The following ADCY1 variants were observed in gnomAD, a reference collection of about 807,000 sequenced individuals.
ADCY1 encodes the protein adenylate cyclase 1, also known as adenylate cyclase type 1.
In ADCY1, 28 loss-of-function variants were observed where a neutral mutation model predicts 105.4. The ratio of observed to expected loss-of-function variants is 0.27; its 90% CI spans 0.20 to 0.36. The LOEUF (loss-of-function observed/expected upper bound fraction) is 0.36. Ranked by LOEUF, ADCY1 falls within the 10% of genes least tolerant of loss-of-function variation. The pLI is 1.00. For missense variants in ADCY1, 977 were observed against 1,434.2 expected, an observed-to-expected ratio of 0.68 and a Z score of 5.15; for synonymous variants, 655 against 623.8, an observed-to-expected ratio of 1.05 and a Z score of -0.75.
intron 7 of ADCY1, among the ~76,000 whole-genome samples, chr7:45,660,832 C>T (rs1795078864): frequency 7.5e-6 from 1 of 132,510 alleles, no homozygotes; most frequent in Non-Finnish European, 1.6e-5. Context: ...AGGTGAGGTG[C>T]AGGGCTTAGG....
chr7:45,577,383 C>T (rs1792382032), intron 1 of ADCY1, among the ~76,000 whole-genome samples: 1 of 152,156 alleles, frequency 6.6e-6, no homozygotes, highest in South Asian at 2.1e-4. Context: ...GTGGGGGGAG[C>T]AGGGCAGATG....
intron 8 of ADCY1, 144 bp from the exon 9 acceptor site, chr7:45,677,725 C>T: frequency 1.2e-6 from 1 of 852,304 alleles, no homozygotes; most frequent in Non-Finnish European, 1.8e-6. Context: ...TCACCACCAG[C>T]AGGGCAGAGT....
chr7:45,587,469 CAG>C (rs1391072857), intron 1 of ADCY1, among the ~76,000 whole-genome samples: 9 of 152,256 alleles, frequency 5.9e-5, no homozygotes, highest in African/African-American at 2.2e-4. Context: ...ATAGGGCTGT[CAG>C]GGGCAGGGCC....
intron 8 of ADCY1, among the ~76,000 whole-genome samples, chr7:45,674,970 GGAT>G (rs1217251438): frequency 2.6e-5 from 4 of 152,028 alleles, no homozygotes; most frequent in African/African-American, 7.2e-5. Flanking sequence ...GCATATATTT[GGAT>G]GATATTTGTT....
At chr7:45,582,938 T>G (rs770595207) in intron 1 of ADCY1, among the ~76,000 whole-genome samples, 1 of 152,198 alleles carries the variant, frequency 6.6e-6, no homozygotes, top group Non-Finnish European at 1.5e-5. Context: ...CAATCCCATC[T>G]CCCTGGATTA....
At chr7:45,643,885 G>A (rs1794588964) in intron 4 of ADCY1, among the ~76,000 whole-genome samples, 1 of 152,158 alleles carries the variant, frequency 6.6e-6, no homozygotes, top group Admixed American at 6.5e-5. Context: ...TGATTCCTCA[G>A]TCCTCCCCTG....
chr7:45,708,713 G>A lies in ADCY1; in HGVS notation c.2932+249G>A, dbSNP rs1417439951. 6.6e-6 allele frequency among the ~76,000 whole-genome samples: 1 copy of A among 152,200 alleles called. No individual in the cohort carries two copies. Among genetic ancestry groups the A allele is most frequent in the African/African-American group, 2.4e-5 (1 of 41,448 alleles). ...AGGAAACACATTAGAAATCTTGATT[G>A]TCCTGGAGACGTTCAGATGCTCCTC... On this transcript the variant is annotated intron_variant, in intron 18 of 19. Transcript: ENST00000297323. This position sits in a 1 kb window ranked among gnomAD's most constrained non-coding sequence, Gnocchi z 4.7.
chr7:45,642,798 G>A (rs1794560362), intron 4 of ADCY1, among the ~76,000 whole-genome samples: 1 of 152,188 alleles, frequency 6.6e-6, no homozygotes, highest in Non-Finnish European at 1.5e-5. Flanking sequence ...TGCCTTGCAA[G>A]CATGGCTGAC....
chr7:45,692,118 T>C (rs1335987424), intron 14 of ADCY1, among the ~76,000 whole-genome samples: 1 of 152,182 alleles, frequency 6.6e-6, no homozygotes, highest in African/African-American at 2.4e-5. Context: ...TGCAGCACAC[T>C]TCTATGGAAA....
intron 7 of ADCY1, among the ~76,000 whole-genome samples, chr7:45,660,984 G>A (rs965802465): frequency 6.6e-6 from 1 of 151,122 alleles, no homozygotes; most frequent in Non-Finnish European, 1.5e-5. Context: ...TAGGTGAGGG[G>A]TTCATGGCTC....
chr7:45,706,883 A>G (rs1238711316), intron 17 of ADCY1, among the ~76,000 whole-genome samples: 1 of 152,252 alleles, frequency 6.6e-6, no homozygotes, highest in Admixed American at 6.5e-5. Flanking sequence ...ACCCCAGTTA[A>G]AAAGTGGGCA....
chr7:45,635,377 T>G (rs1794373247), intron 4 of ADCY1, among the ~76,000 whole-genome samples: 1 of 151,830 alleles, frequency 6.6e-6, no homozygotes, highest in African/African-American at 2.4e-5. Flanking sequence ...TTTTCGTATC[T>G]GTATTATTGT....
At chr7:45,577,728 A>C (rs970935520) in intron 1 of ADCY1, among the ~76,000 whole-genome samples, 2 of 152,218 alleles carry the variant, frequency 1.3e-5, no homozygotes, top group Non-Finnish European at 2.9e-5. Context: ...CCCTCACTGC[A>C]TACATAGCAG....
chr7:45,656,859 G>C (rs1290993401), intron 5 of ADCY1, among the ~76,000 whole-genome samples: 1 of 152,230 alleles, frequency 6.6e-6, no homozygotes. Flanking sequence ...ATCCCGGATG[G>C]AATAGAAAGA....
At chr7:45,601,447 T>G (rs1793237297) in intron 2 of ADCY1, among the ~76,000 whole-genome samples, 1 of 152,196 alleles carries the variant, frequency 6.6e-6, no homozygotes, top group African/African-American at 2.4e-5. Flanking sequence ...ACCCTTAGCC[T>G]GCTCCTCTGA....
At position 45,631,616 on chromosome 7, in the gene ADCY1, C is replaced by G. The variant is rs576935029; in HGVS notation, c.1020+8873C>G. On this transcript the variant is annotated intron_variant, in intron 4 of 19. Transcript: ENST00000297323. ...AAAACAAACATCATCCACAAAAAGT[C>G]AAAGCATTAGATGCAATTATCAGAT... Among the ~76,000 whole-genome samples the G allele has an allele frequency of 2.6e-5, 4 of 152,306 alleles. No individual in the cohort carries two copies. In the South Asian group the frequency reaches 8.3e-4, roughly 32 times the overall value.
intron 6 of ADCY1, among the ~76,000 whole-genome samples, chr7:45,658,582 G>A (rs1400650620): frequency 1.3e-5 from 2 of 152,204 alleles, no homozygotes; most frequent in African/African-American, 2.4e-5. Context: ...AGTGTGCCCG[G>A]GGCTCAGCAT....
upstream of ADCY1, chr7:45,574,299 C>T (rs1317962816): frequency 8.0e-6 from 2 of 250,576 alleles, no homozygotes; most frequent in African/African-American, 4.7e-5. This position sits in a 1 kb window ranked among gnomAD's most constrained non-coding sequence, Gnocchi z 7.0. Context: ...TGTCGCAGCG[C>T]GGTCGCCGCC....
intron 8 of ADCY1, among the ~76,000 whole-genome samples, chr7:45,675,505 CTA>C (rs1479048299): frequency 4.6e-5 from 7 of 152,096 alleles, no homozygotes; most frequent in Middle Eastern, 3.4e-3. Context: ...CCTTCTTTTA[CTA>C]TTTTCTTTTT....
Sources: gnomAD v4.1 joint callset for allele counts (sites outside exome capture counted in the v4.1 genomes callset) on GRCh38, gnomAD v4.1.1 for gene constraint, Gnocchi (gnomAD v3.1) non-coding constraint, MANE v1.5 for transcripts, NCBI Gene and HGNC (gene_info 2026-07-23, HGNC 2026-07-21) for gene names.